The following SCARA5 variants were observed in gnomAD, a reference collection of about 807,000 sequenced individuals.
SCARA5 encodes the protein scavenger receptor class A member 5, also known as scavenger receptor class A, member 5 (putative).
A neutral mutation model predicts 46.3 loss-of-function variants in SCARA5; 45 were observed. That is an observed-to-expected ratio of 0.97 (90% confidence interval 0.76 to 1.24). The LOEUF is 1.24. Ranked by LOEUF, SCARA5 falls within the 50% of genes most tolerant of loss-of-function variation. SCARA5 has a pLI of 0.00. For missense variants in SCARA5, 680 were observed against 689.0 expected (o/e 0.99, Z 0.15); for synonymous variants, 333 against 306.5 (o/e 1.09, Z -0.90).
At chr8:27,952,456 G>GGAGTGGTCAGGGGGCTTTCTGCCTTC (rs1361866017) in intron 3 of SCARA5, among the ~76,000 whole-genome samples, 33 of 152,286 alleles carry the variant, frequency 2.2e-4, no homozygotes, top group African/African-American at 7.9e-4. Context: ...CCTTGCACAG[G>GGAGTGGTCAGGGGGCTTTCTGCCTTC]GAGTGGTCAG....
intron 4 of SCARA5, 88 bp downstream of exon 4, chr8:27,921,483 G>A (rs1294487748): frequency 8.7e-7 from 1 of 1,146,068 alleles, no homozygotes; most frequent in Non-Finnish European, 1.2e-6. Context: ...TGGGGCTGGG[G>A]TACTCCTGGG....
intron 3 of SCARA5, among the ~76,000 whole-genome samples, chr8:27,954,761 T>C (rs1202806889): frequency 1.3e-5 from 2 of 152,238 alleles, no homozygotes; most frequent in Non-Finnish European, 2.9e-5. Context: ...TGAAAGGTCA[T>C]TGACTTCCTC....
rs1806618104 is a variant in SCARA5, at chr8:27,870,453, T to C, written c.*1481A>G. 1 of 152,536 alleles carries C rather than the reference T, an allele frequency of 6.6e-6. No homozygotes were observed. Among genetic ancestry groups the C allele is most frequent in the Non-Finnish European group, 1.5e-5 (1 of 68,032 alleles). The allele number at this position is 152,536 out of a possible 1,614,324, so 9.4% of individuals were successfully genotyped here. ...TGACCTAGGGCCATATTGGCTTAGT[T>C]GTCAGCCAGGAGTGTTGCTGTTCCT... On this transcript the variant is annotated 3_prime_UTR_variant, in exon 9 of 9. Coordinates refer to ENST00000354914, the MANE Select transcript of SCARA5 (RefSeq NM_173833.6).
At chr8:27,891,199 G>GTTT (rs1211256366) in intron 7 of SCARA5, among the ~76,000 whole-genome samples, 1 of 43,454 alleles carries the variant, frequency 2.3e-5, no homozygotes, top group Non-Finnish European at 7.3e-5. Context: ...CAATAGGTTT[G>GTTT]TTTTTTTTTT....
chr8:27,890,446 T>C (rs2129702713), intron 7 of SCARA5, among the ~76,000 whole-genome samples: 1 of 152,344 alleles, frequency 6.6e-6, no homozygotes. Flanking sequence ...ATAGAGACCA[T>C]GTCTTGTTTG....
chr8:27,889,728 G>A (rs1028003180), intron 7 of SCARA5, among the ~76,000 whole-genome samples: 3 of 152,180 alleles, frequency 2.0e-5, no homozygotes, highest in Admixed American at 6.5e-5. Context: ...GGTTTCTCCT[G>A]AGTCTTATGG....
chr8:27,991,451 G>A (rs971885090), intron 1 of SCARA5, among the ~76,000 whole-genome samples: 5 of 152,124 alleles, frequency 3.3e-5, no homozygotes, highest in Admixed American at 6.5e-5. Flanking sequence ...AAAGGCAATC[G>A]CGAATGCACT....
At chr8:27,900,781 C>T (rs939570762) in intron 7 of SCARA5, among the ~76,000 whole-genome samples, 3 of 144,376 alleles carry the variant, frequency 2.1e-5, no homozygotes, top group African/African-American at 7.9e-5. Context: ...GATATGTATA[C>T]GTAGCGGGTT....
chr8:27,876,464 A>C (rs1473721553), intron 8 of SCARA5, among the ~76,000 whole-genome samples: 1 of 151,970 alleles, frequency 6.6e-6, no homozygotes, highest in Non-Finnish European at 1.5e-5. Context: ...TGATGTGGGG[A>C]GGGGGAGTGG....
intron 3 of SCARA5, among the ~76,000 whole-genome samples, chr8:27,936,105 C>T (rs1298999566): frequency 2.0e-5 from 3 of 152,070 alleles, no homozygotes; most frequent in Non-Finnish European, 2.9e-5. Context: ...TAGCTTGGAG[C>T]GGCAGGAGAC....
intron 3 of SCARA5, among the ~76,000 whole-genome samples, chr8:27,953,554 T>A (rs1421519276): frequency 6.6e-6 from 1 of 152,212 alleles, no homozygotes. Flanking sequence ...GAGGGGACAG[T>A]GAGTTTGGGT....
intron 3 of SCARA5, among the ~76,000 whole-genome samples, chr8:27,962,382 T>C (rs1563539568): frequency 3.9e-5 from 6 of 152,304 alleles, no homozygotes; most frequent in African/African-American, 1.4e-4. Flanking sequence ...CAGAAAATAA[T>C]TGGTGCATGG....
intron 4 of SCARA5, among the ~76,000 whole-genome samples, chr8:27,915,809 C>T (rs756898799): frequency 6.6e-5 from 10 of 152,128 alleles, no homozygotes; most frequent in Non-Finnish European, 1.2e-4. Flanking sequence ...AAAGAGTGGA[C>T]TGGATGATTT....
At chr8:27,913,532 C>A (rs963754035) in intron 4 of SCARA5, among the ~76,000 whole-genome samples, 2 of 152,242 alleles carry the variant, frequency 1.3e-5, no homozygotes, top group African/African-American at 4.8e-5. Context: ...CCCTTTCCAG[C>A]TACATGCATC....
At chr8:27,912,470 C>T (rs1807393273) in intron 4 of SCARA5, among the ~76,000 whole-genome samples, 1 of 152,232 alleles carries the variant, frequency 6.6e-6, no homozygotes, top group South Asian at 2.1e-4. Flanking sequence ...TTTCAGACCA[C>T]ATGATTGAGT....
chr8:27,986,636 C>A (rs889604488), intron 2 of SCARA5, among the ~76,000 whole-genome samples: 4 of 151,406 alleles, frequency 2.6e-5, no homozygotes, highest in Non-Finnish European at 5.9e-5. Context: ...TAAGCCACCA[C>A]GGTTCTTTCC....
At chr8:27,938,853 G>A (rs922377757) in intron 3 of SCARA5, among the ~76,000 whole-genome samples, 29 of 152,096 alleles carry the variant, frequency 1.9e-4, no homozygotes, top group Admixed American at 1.8e-3. Flanking sequence ...TTTCATCACT[G>A]AGCCAGCAAA....
intron 4 of SCARA5, 137 bp downstream of exon 4, chr8:27,921,434 G>A: frequency 1.4e-6 from 1 of 706,418 alleles, no homozygotes; most frequent in South Asian, 2.0e-5. Flanking sequence ...GACTTAGAGA[G>A]TATGGGGCTG....
intron 4 of SCARA5, among the ~76,000 whole-genome samples, chr8:27,914,615 T>G (rs1316301580): frequency 6.6e-6 from 1 of 152,250 alleles, no homozygotes; most frequent in Non-Finnish European, 1.5e-5. Context: ...ATGACATCTG[T>G]TGTTCCAAGA....
Sources: gnomAD v4.1 joint callset for allele counts (sites outside exome capture counted in the v4.1 genomes callset) on GRCh38, gnomAD v4.1.1 for gene constraint, MANE v1.5 for transcripts, NCBI Gene and HGNC (gene_info 2026-07-23, HGNC 2026-07-21) for gene names.